The following TRRAP variants were observed in gnomAD, a reference collection of about 807,000 sequenced individuals.
TRRAP encodes transformation/transcription domain-associated protein.
In TRRAP, 41 loss-of-function variants were observed where a neutral mutation model predicts 438.8. The observed-to-expected ratio is 0.09, with a 90% CI of 0.07 to 0.12. The LOEUF (loss-of-function observed/expected upper bound fraction) is 0.12. TRRAP is among the 10% of genes least tolerant of loss of function. The pLI is 1.00. For synonymous variants in TRRAP, 1,994 were observed against 1,962.9 expected (o/e 1.02, Z -0.42); for missense variants, 3,122 against 5,055.1 (o/e 0.62, Z 11.60).
intron 53 of TRRAP, among the ~76,000 whole-genome samples, chr7:98,972,660 G>A (rs1013173082): frequency 3.3e-5 from 5 of 152,180 alleles, no homozygotes; most frequent in Admixed American, 1.3e-4. Context: ...TTGAAGCTCC[G>A]TGTACCAGGT....
In TRRAP at chr7:99,011,992, A is replaced by T. The variant is rs941297121; in HGVS notation, c.11338-79A>T. The T allele has an allele frequency of 1.2e-5, 19 of 1,547,066 alleles. No individual in the cohort carries two copies. The highest frequency in any genetic ancestry group is 1.7e-5 in the Non-Finnish European group (19 of 1,141,086). ...TGGCCCTGAGCGGCCGCTGTGGTTG[A>T]GTCCCACCTTGTTAGGAAGCTGCCC... On this transcript the variant is annotated intron_variant, in intron 72 of 72. Transcript: ENST00000456197. The surrounding 1 kb of genome is among the most constrained non-coding windows in gnomAD (Gnocchi z 7.1).
At chr7:98,963,593 G>A (rs1387410718) in intron 47 of TRRAP, among the ~76,000 whole-genome samples, 1 of 152,034 alleles carries the variant, frequency 6.6e-6, no homozygotes, top group Non-Finnish European at 1.5e-5. Flanking sequence ...ATAGAGGAGA[G>A]CATAGCACTC....
chr7:99,002,121 G>A (rs1793949658), intron 67 of TRRAP, among the ~76,000 whole-genome samples: 1 of 149,518 alleles, frequency 6.7e-6, no homozygotes, highest in South Asian at 2.2e-4. Flanking sequence ...CAGGGGAGAG[G>A]CGGGGGGGTG....
intron 64 of TRRAP, 103 bp downstream of exon 64, chr7:98,990,722 A>G (rs1316387635): frequency 7.7e-7 from 1 of 1,305,444 alleles, no homozygotes; most frequent in African/African-American, 1.5e-5. Context: ...CAAAGTATTA[A>G]AAACAAGTTA....
chr7:98,909,056 T>G, intron 14 of TRRAP, 94 bp downstream of exon 14: 1 of 1,187,966 alleles, frequency 8.4e-7, no homozygotes, highest in Non-Finnish European at 1.2e-6. Context: ...CAGATCCTTG[T>G]TCTGTTGCCT....
At chr7:98,968,300 T>C (rs1290961697) in intron 51 of TRRAP, among the ~76,000 whole-genome samples, 1 of 152,200 alleles carries the variant, frequency 6.6e-6, no homozygotes, top group Non-Finnish European at 1.5e-5. Flanking sequence ...ATTACAGGCA[T>C]GAGGCACCAT....
At chr7:98,997,482 G>GAAAAAAAAA (rs1562977777) in intron 67 of TRRAP, among the ~76,000 whole-genome samples, 2 of 39,298 alleles carry the variant, frequency 5.1e-5, no homozygotes, top group African/African-American at 2.2e-4. Flanking sequence ...CACTGCTGTT[G>GAAAAAAAAA]CAAAAAAAAA....
chr7:98,917,177 A>G (rs1455722679), intron 19 of TRRAP, among the ~76,000 whole-genome samples: 1 of 152,226 alleles, frequency 6.6e-6, no homozygotes, highest in Admixed American at 6.5e-5. Flanking sequence ...AAAAGGATAT[A>G]GTACTATGAT....
At chr7:98,966,445 G>T (rs1466227172) in intron 49 of TRRAP, among the ~76,000 whole-genome samples, 1 of 152,072 alleles carries the variant, frequency 6.6e-6, no homozygotes, top group Non-Finnish European at 1.5e-5. Context: ...AGCACTTTGG[G>T]AGACCGAGGC....
At chr7:98,941,447 G>A (rs1204208832) in intron 30 of TRRAP, among the ~76,000 whole-genome samples, 1 of 152,174 alleles carries the variant, frequency 6.6e-6, no homozygotes, top group Non-Finnish European at 1.5e-5. Flanking sequence ...TGGGATTACA[G>A]GAGTGAGCTA....
rs2116883943 is a variant in TRRAP at position 99,011,106 on chromosome 7, C to T, written c.10993C>T (p.Leu3665Phe). The change falls in exon 71 of 73, where the codon CTC (leucine) becomes TTC (phenylalanine). Residue 3665 changes from leucine (L) to phenylalanine (F), a missense_variant. Physicochemically the swap from Leu to Phe is conservative, Grantham distance 22 (BLOSUM62 0). Transcript: ENST00000456197. The surrounding 1 kb of genome is among the most constrained non-coding windows in gnomAD (Gnocchi z 7.1). ...GAGTAACATGGTGCCGCGCAGCATG[C>T]TCAAGGAGTGGGCGCTGCACACCTT... is the stretch of plus-strand genomic sequence containing the variant. ...VQSNMVPRSM[L>F]KEWALHTFPN... 6.2e-7 allele frequency: 1 copy of T among 1,614,192 alleles called. No individual in the cohort carries two copies. The highest frequency in any genetic ancestry group is 8.5e-7 in the Non-Finnish European group (1 of 1,180,034).
intron 51 of TRRAP, 95 bp from the exon 52 acceptor site, chr7:98,970,017 A>G: frequency 6.9e-7 from 1 of 1,454,826 alleles, no homozygotes. Context: ...GCAGAGTCAG[A>G]GGTGCCTGAG....
In TRRAP at chr7:98,919,337, A is replaced by C. The variant is rs192424161; in HGVS notation, c.2622+1658A>C. Reference sequence around the variant, plus strand: ...GCGTAGGGGCCAGGTGTGGTGGCTCACACCTGTAATCCCAGCACTTTGGGA... The same window carrying C: ...GCGTAGGGGCCAGGTGTGGTGGCTCCCACCTGTAATCCCAGCACTTTGGGA... On this transcript the variant is annotated intron_variant, in intron 20 of 72. Coordinates refer to ENST00000456197, the MANE Select transcript of TRRAP (RefSeq NM_001375524.1). Among the ~76,000 whole-genome samples the C allele has an allele frequency of 4.7e-3, 713 of 152,244 alleles. 3 individuals carry two copies. The highest frequency in any genetic ancestry group is 8.0e-3 in the Non-Finnish European group (544 of 68,020).
At chr7:99,003,326 A>G (rs756010269) in intron 67 of TRRAP, among the ~76,000 whole-genome samples, 63 of 152,364 alleles carry the variant, frequency 4.1e-4, no homozygotes, top group Middle Eastern at 3.4e-3. Context: ...CCATTTTGGT[A>G]TCCTGCATTA....
At chr7:99,007,272 C>T (rs960558357) in intron 69 of TRRAP, among the ~76,000 whole-genome samples, 5 of 152,226 alleles carry the variant, frequency 3.3e-5, no homozygotes, top group Admixed American at 2.0e-4. Context: ...TGTCTCAGAG[C>T]AGGAAGGCCG....
At chr7:98,934,456 TA>T (rs782791398) in intron 27 of TRRAP, among the ~76,000 whole-genome samples, 8 of 152,226 alleles carry the variant, frequency 5.3e-5, no homozygotes, top group Non-Finnish European at 1.0e-4. Context: ...AGGAAATGCA[TA>T]ACTTCCCTTG....
chr7:98,947,733 G>A (rs997051432), intron 33 of TRRAP, among the ~76,000 whole-genome samples: 5 of 152,234 alleles, frequency 3.3e-5, no homozygotes, highest in African/African-American at 9.6e-5. Context: ...TGGGATTACA[G>A]GCATGAGCTA....
chr7:98,963,555 C>A (rs1456539353), intron 47 of TRRAP, among the ~76,000 whole-genome samples: 2 of 152,302 alleles, frequency 1.3e-5, no homozygotes, highest in East Asian at 3.9e-4. Context: ...CATGCCGGAT[C>A]TGGGGTGTAG....
chr7:98,978,983 C>A, intron 58 of TRRAP, 79 bp downstream of exon 58: 2 of 1,573,402 alleles, frequency 1.3e-6, no homozygotes, highest in East Asian at 2.3e-5. Context: ...GGAGATTTCC[C>A]TTAGAACAAG....
Sources: gnomAD v4.1 joint callset for allele counts (sites outside exome capture counted in the v4.1 genomes callset) on GRCh38, gnomAD v4.1.1 for gene constraint, Gnocchi (gnomAD v3.1) non-coding constraint, MANE v1.5 for transcripts, NCBI Gene and HGNC (gene_info 2026-07-23, HGNC 2026-07-21) for gene names.